The following NEK5 variants were observed in gnomAD, a reference collection of about 807,000 sequenced individuals.
The protein encoded by NEK5 is serine/threonine-protein kinase Nek5.
A neutral mutation model predicts 109.2 loss-of-function variants in NEK5; 88 were observed. The ratio of observed to expected loss-of-function variants is 0.81; its 90% CI spans 0.68 to 0.96. NEK5 has a LOEUF of 0.96. Among genes scored for constraint, NEK5 ranks in the 40% least tolerant of loss-of-function variants. The pLI, the probability that NEK5 is intolerant of heterozygous loss-of-function variation, is 0.00. For missense variants in NEK5, 834 were observed against 920.7 expected (o/e 0.91, Z 1.22); for synonymous variants, 283 against 299.9 (o/e 0.94, Z 0.58).
chr13:52,092,917 T>TTTAAA (rs1377082594), intron 13 of NEK5, 137 bp downstream of exon 13: 1 of 612,138 alleles, frequency 1.6e-6, no homozygotes, highest in Non-Finnish European at 2.8e-6. Context: ...TCAAGGGAAC[T>TTTAAA]ATGTGTTTAA....
chr13:52,076,687 T>C (rs1222443985), intron 17 of NEK5, among the ~76,000 whole-genome samples: 2 of 152,218 alleles, frequency 1.3e-5, no homozygotes, highest in African/African-American at 4.8e-5. Context: ...CCTATGGATT[T>C]AAATGCCACT....
At position 52,072,074 on chromosome 13, in the gene NEK5, A is replaced by T. The variant is rs1238066562; in HGVS notation, c.1723-4T>A. ...TTTCATTTGGTATATCCATTGCCTA[A>T]ATCAATTCCACAGTGTTTCATGATA... On this transcript the variant is annotated splice_region_variant and splice_polypyrimidine_tract_variant and intron_variant, in intron 19 of 23. Transcript: ENST00000684899. 1 of 1,606,792 alleles carries T rather than the reference A, an allele frequency of 6.2e-7. No individual in the cohort carries two copies. Among genetic ancestry groups the T allele is most frequent in the Non-Finnish European group, 8.5e-7 (1 of 1,176,004 alleles).
At position 52,124,909 on chromosome 13, in the gene NEK5, G is replaced by C. The variant is rs180934003; in HGVS notation, c.117+2457C>G. ...CACTTGAAGGATCCAAGTGACCCAG[G>C]GCCTCGACAAAAGGACTGAAGCAAA... On this transcript the variant is annotated intron_variant, in intron 3 of 23. Transcript: ENST00000684899. 2.7e-3 allele frequency among the ~76,000 whole-genome samples: 413 copies of C among 152,212 alleles called. 4 individuals carry two copies. Among genetic ancestry groups the C allele is most frequent in the African/African-American group, 9.1e-3 (379 of 41,516 alleles).
chr13:52,084,756 AGAGAGAGTGTGT>A (rs1156588799), intron 16 of NEK5, among the ~76,000 whole-genome samples: 1,009 of 51,852 alleles, frequency 0.019, 5 homozygotes, highest in Admixed American at 0.065. Context: ...AGAGAGAGAG[AGAGAGAGTGTGT>A]GTGTGTGTGT....
intron 17 of NEK5, among the ~76,000 whole-genome samples, chr13:52,078,104 G>A (rs1430563280): frequency 6.6e-6 from 1 of 151,682 alleles, no homozygotes; most frequent in Non-Finnish European, 1.5e-5. Context: ...GTATATGAAT[G>A]TTCCTAGCAG....
intron 4 of NEK5, among the ~76,000 whole-genome samples, chr13:52,118,256 T>G (rs1282397441): frequency 6.6e-6 from 1 of 152,196 alleles, no homozygotes; most frequent in Non-Finnish European, 1.5e-5. Flanking sequence ...CATGAACTAA[T>G]TATCAGTCTT....
At chr13:52,040,389 C>T (rs1010269453) in intron 23 of NEK5, among the ~76,000 whole-genome samples, 1 of 151,980 alleles carries the variant, frequency 6.6e-6, no homozygotes, top group African/African-American at 2.4e-5. Flanking sequence ...CCAGCCTCTA[C>T]TGGCACCTTG....
rs1216032292 is a variant in NEK5, at chr13:52,093,192, T to A, written c.1070A>T (p.His357Leu). 6.2e-7 allele frequency: 1 copy of A among 1,613,784 alleles called. No individual in the cohort carries two copies. The highest frequency in any genetic ancestry group is 1.1e-5 in the South Asian group (1 of 91,058). ...AAGTTGAGCATAATAATAATCATAA[T>A]GTCCACAGACAGCAGCAATTTTGGG... ...ERPKIAAVCG[H>L]YDYYYAQLDM... The change falls in exon 13 of 24, where the codon CAT becomes CTT. Residue 357 changes from histidine to leucine, a missense_variant. By Grantham distance (99) the His-to-Leu change is moderately conservative. Around this residue, in one of 2 missense-constraint regions of NEK5, gnomAD observed 777 missense variants for 824.7 expected, o/e 0.94. Transcript: ENST00000684899.
At chr13:52,059,113 A>G (rs1954588497) in intron 22 of NEK5, among the ~76,000 whole-genome samples, 1 of 101,588 alleles carries the variant, frequency 9.8e-6, no homozygotes, top group African/African-American at 3.8e-5. Flanking sequence ...ACAAGAAAAA[A>G]ACAAACAACC....
chr13:52,065,187 G>T, intron 21 of NEK5: 2 of 489,944 alleles, frequency 4.1e-6, no homozygotes, highest in Non-Finnish European at 7.3e-6. Context: ...AGCTGGCCTT[G>T]GAAGGTAAAT....
At chr13:52,071,232 G>C (rs1396959673) in intron 20 of NEK5, among the ~76,000 whole-genome samples, 1 of 152,128 alleles carries the variant, frequency 6.6e-6, no homozygotes, top group East Asian at 1.9e-4. Flanking sequence ...CCCAGGTTGG[G>C]GGTGGGGATG....
intron 22 of NEK5, among the ~76,000 whole-genome samples, chr13:52,057,569 A>G (rs1296576850): frequency 2.0e-5 from 3 of 152,170 alleles, no homozygotes; most frequent in Admixed American, 6.5e-5. Context: ...GGCAAACCGA[A>G]TCCAGCAGCA....
At chr13:52,076,631 G>T (rs1433611341) in intron 17 of NEK5, among the ~76,000 whole-genome samples, 1 of 152,144 alleles carries the variant, frequency 6.6e-6, no homozygotes, top group African/African-American at 2.4e-5. Context: ...ATCCTATCTT[G>T]GGCCATCTGC....
At chr13:52,095,761 C>T (rs773669425) in intron 12 of NEK5, among the ~76,000 whole-genome samples, 9 of 152,080 alleles carry the variant, frequency 5.9e-5, no homozygotes, top group Non-Finnish European at 1.0e-4. Context: ...TGGTGCATAC[C>T]GGTAGTATAG....
intron 23 of NEK5, among the ~76,000 whole-genome samples, chr13:52,038,497 A>T (rs747216482): frequency 3.9e-5 from 6 of 152,222 alleles, no homozygotes; most frequent in African/African-American, 7.2e-5. Flanking sequence ...AGAATATTTC[A>T]GATGAGTGCC....
chr13:52,063,452 G>T (rs1406069199), intron 21 of NEK5, among the ~76,000 whole-genome samples: 1 of 152,216 alleles, frequency 6.6e-6, no homozygotes, highest in Non-Finnish European at 1.5e-5. Context: ...GCCTGCCTTG[G>T]CCTCCCAAAG....
At position 52,065,593 on chromosome 13, in the gene NEK5, A is replaced by G; in HGVS notation, c.1866T>C (p.Thr622=). The G allele has an allele frequency of 6.2e-7, 1 of 1,613,602 alleles. No homozygotes were observed. Among genetic ancestry groups the G allele is most frequent in the South Asian group, 1.1e-5 (1 of 91,072 alleles). The change falls in exon 21 of 24, where the codon ACT becomes ACC. Residue 622 remains threonine, a synonymous_variant. Coordinates refer to ENST00000684899, the MANE Select transcript of NEK5 (RefSeq NM_001365552.1). ...HCPEAGFSTQ[T]VAAVGNRRQW... is the part of the protein sequence containing the mutation. Reference sequence around the variant, plus strand: ...GCCTCCTGTTTCCCACAGCAGCTACAGTCTGCGTGGAAAACCCTGGGTGTA... The same window carrying G: ...GCCTCCTGTTTCCCACAGCAGCTACGGTCTGCGTGGAAAACCCTGGGTGTA...
intron 9 of NEK5, among the ~76,000 whole-genome samples, chr13:52,103,739 C>G (rs1240917558): frequency 1.3e-5 from 2 of 152,242 alleles, no homozygotes; most frequent in East Asian, 3.9e-4. Context: ...TAGAGGGTGC[C>G]TATGTGACCA....
At chr13:52,050,873 C>T (rs1432031159) in intron 22 of NEK5, among the ~76,000 whole-genome samples, 2 of 151,686 alleles carry the variant, frequency 1.3e-5, no homozygotes, top group Non-Finnish European at 2.9e-5. Context: ...GCACATGCCA[C>T]CACACCTGGC....
Sources: allele counts gnomAD v4.1 joint callset (sites outside exome capture counted in the v4.1 genomes callset), GRCh38; gene constraint gnomAD v4.1.1; regional missense constraint gnomAD v4.1.1; transcripts MANE v1.5; gene names NCBI Gene and HGNC (gene_info 2026-07-23, HGNC 2026-07-21).